Variants in FMNL1 observed in about 807,000 individuals in gnomAD.
FMNL1 encodes the protein formin-like protein 1.
In FMNL1, 43 loss-of-function variants were observed where a neutral mutation model predicts 121.3. The observed-to-expected ratio is 0.35, with a 90% CI of 0.28 to 0.46. The LOEUF (loss-of-function observed/expected upper bound fraction) is 0.46. Ranked by LOEUF, FMNL1 falls within the 20% of genes least tolerant of loss-of-function variation. The pLI is 1.00. For synonymous variants in FMNL1, 613 were observed against 613.5 expected, an observed-to-expected ratio of 1.00 and a Z score of 0.01; for missense variants, 1,191 against 1,482.4, an observed-to-expected ratio of 0.80 and a Z score of 3.23.
intron 11 of FMNL1, among the ~76,000 whole-genome samples, chr17:45,239,561 C>G (rs1045330402): frequency 6.6e-6 from 1 of 152,202 alleles, no homozygotes; most frequent in Non-Finnish European, 1.5e-5. Context: ...AGAGAAGCTG[C>G]AGCTCCTTCT....
chr17:45,233,817 T>G lies in FMNL1; in HGVS notation c.485+86T>G. The G allele has an allele frequency of 6.5e-7, 1 of 1,545,266 alleles. No homozygotes were observed. The stretch of plus-strand genomic sequence containing the variant: ...CATCTCACCCACTCCCCTGGCCAGT[T>G]TCAAGCCAGGCAGCCCGAGCCTACC... On this transcript the variant is annotated intron_variant, in intron 5 of 26. Coordinates refer to ENST00000331495, the MANE Select transcript of FMNL1 (RefSeq NM_005892.4). The surrounding 1 kb of genome is among the most constrained non-coding windows in gnomAD (Gnocchi z 4.1).
chr17:45,241,580 C>A lies in FMNL1; in HGVS notation c.1531C>A (p.Pro511Thr), dbSNP rs1277234979. 1 of 1,562,774 alleles carries A rather than the reference C, an allele frequency of 6.4e-7. No individual in the cohort carries two copies. Among genetic ancestry groups the A allele is most frequent in the Non-Finnish European group, 8.7e-7 (1 of 1,153,204 alleles). ...IEILPVAVAT[P>T]SGGDAPTPGV... ...GATCCTCCCCGTCGCTGTGGCAACT[C>A]CGAGCGGCGGTGATGCTCCGACTCC... The change falls in exon 14 of 27, where the codon CCG becomes ACG. Residue 511 changes from proline to threonine, a missense_variant. Physicochemically the swap from Pro to Thr is conservative, Grantham distance 38. This residue lies in a region of FMNL1 where 519 missense variants were observed against 492.8 expected (regional missense o/e 1.05). Transcript: ENST00000331495. This position sits in a 1 kb window ranked among gnomAD's most constrained non-coding sequence, Gnocchi z 7.0.
At chr17:45,234,015 C>G (rs1747877462) in intron 5 of FMNL1, 57 bp from the exon 6 acceptor site, 1 of 1,595,722 alleles carries the variant, frequency 6.3e-7, no homozygotes, top group Admixed American at 1.7e-5. Flanking sequence ...TTCCTCTGCC[C>G]CCTCTTAAGT....
At chr17:45,222,794 G>A (rs1164894890) in intron 1 of FMNL1, among the ~76,000 whole-genome samples, 1 of 152,100 alleles carries the variant, frequency 6.6e-6, no homozygotes, top group African/African-American at 2.4e-5. Context: ...TCAGAGCCAG[G>A]GTGCCTGTGG....
chr17:45,228,047 C>T (rs1442753207), intron 1 of FMNL1, among the ~76,000 whole-genome samples: 4 of 152,142 alleles, frequency 2.6e-5, no homozygotes, highest in Non-Finnish European at 5.9e-5. Context: ...TGTCCCCCAG[C>T]CCCCCATCCC....
At chr17:45,230,794 C>G (rs1484016800) in intron 2 of FMNL1, 107 bp downstream of exon 2, 1 of 1,217,042 alleles carries the variant, frequency 8.2e-7, no homozygotes, top group African/African-American at 1.5e-5. Flanking sequence ...GCCCATGGAG[C>G]CAAGACTCTG....
Position 45,233,370 on chromosome 17 carries a change from C to T in FMNL1, c.401+73C>T, listed in dbSNP as rs1290007093. On this transcript the variant is annotated intron_variant, in intron 4 of 26. Transcript: ENST00000331495. The surrounding 1 kb of genome is among the most constrained non-coding windows in gnomAD (Gnocchi z 4.1). ...TTCCAGGCAGCTCCTGGAGCTTCCC[C>T]TTCCTACTCCCCCTGCCCCCTGCAC... 6.9e-7 allele frequency: 1 copy of T among 1,451,712 alleles called. No homozygotes were observed. The highest frequency in any genetic ancestry group is 9.4e-7 in the Non-Finnish European group (1 of 1,066,856). The allele number at this position is 1,451,712 out of a possible 1,614,324, so 89.9% of individuals were successfully genotyped here.
chr17:45,238,892 G>A, intron 10 of FMNL1, 63 bp from the exon 11 acceptor site: 1 of 1,398,328 alleles, frequency 7.2e-7, no homozygotes, highest in Non-Finnish European at 1.0e-6. Flanking sequence ...GTAAGTGGAG[G>A]TGGAAGGCAT....
At position 45,247,212 on chromosome 17, in the gene FMNL1, A is replaced by G. The variant is rs2043857996; in HGVS notation, c.*354A>G. 2 of 520,524 alleles carry G rather than the reference A, an allele frequency of 3.8e-6. No homozygotes were observed. Among genetic ancestry groups the G allele is most frequent in the African/African-American group, 1.9e-5 (1 of 52,426 alleles). The allele number at this position is 520,524 out of a possible 1,614,324, so 32.2% of individuals were successfully genotyped here. On this transcript the variant is annotated 3_prime_UTR_variant, in exon 27 of 27. Transcript: ENST00000331495. ...AATAGCCATACTTAGCCTCAGCAGG[A>G]GCCTGGCCTGTAACTTATAAAGTGC...
rs1316660672 is a variant in FMNL1, at chr17:45,245,671, C to G, written c.2932C>G (p.Pro978Ala). The G allele has an allele frequency of 3.7e-6, 6 of 1,614,012 alleles. No homozygotes were observed. The highest frequency in any genetic ancestry group is 5.1e-6 in the Non-Finnish European group (6 of 1,179,996). ...ESVVEYFGEN[P>A]KTTSPGLFFS... Reference sequence around the variant, plus strand: ...TGTGGTGGAGTACTTCGGAGAGAACCCCAAGACCACATCCCCAGGCCTGTT... The same window carrying G: ...TGTGGTGGAGTACTTCGGAGAGAACGCCAAGACCACATCCCCAGGCCTGTT... The change falls in exon 23 of 27, where the codon CCC (proline) becomes GCC (alanine). Residue 978 changes from proline (P) to alanine (A), a missense_variant. This residue lies in a region of FMNL1 where 367 missense variants were observed against 528.6 expected (regional missense o/e 0.69). Coordinates refer to ENST00000331495, the MANE Select transcript of FMNL1 (RefSeq NM_005892.4).
chr17:45,224,921 C>T (rs1205017473), intron 1 of FMNL1, among the ~76,000 whole-genome samples: 1 of 152,232 alleles, frequency 6.6e-6, no homozygotes, highest in African/African-American at 2.4e-5. Flanking sequence ...CGCCCATGCC[C>T]AAGGCTGGGT....
In FMNL1 at chr17:45,241,398, C is replaced by G. The variant is rs1261996852; in HGVS notation, c.1349C>G (p.Ser450Trp). Reference protein sequence around the residue: ...LETLRERFSESTAMGPSRRPP... With the variant: ...LETLRERFSEWTAMGPSRRPP... ...GGTTCGTAGGAGCGCTTCAGCGAAT[C>G]GACCGCCATGGGGCCCTCCAGGCGT... is the stretch of plus-strand genomic sequence containing the variant. Residue 450 changes from serine (S) to tryptophan (W), a missense_variant, in exon 14 of 27, where the codon TCG becomes TGG. Coordinates refer to ENST00000331495, the MANE Select transcript of FMNL1 (RefSeq NM_005892.4). This position sits in a 1 kb window ranked among gnomAD's most constrained non-coding sequence, Gnocchi z 7.0. The G allele has an allele frequency of 1.3e-6, 2 of 1,567,322 alleles. No homozygotes were observed. The highest frequency in any genetic ancestry group is 2.3e-5 in the South Asian group (2 of 86,374).
rs746268652 is a variant in FMNL1, at chr17:45,246,140, A to G, written c.3091-70A>G. On this transcript the variant is annotated intron_variant, in intron 24 of 26. Coordinates refer to ENST00000331495, the MANE Select transcript of FMNL1 (RefSeq NM_005892.4). Reference sequence around the variant, plus strand: ...AAGCCAGCTGTCCTTGCTGTGGGGGACCAGGCAGATATTCCAGGGTTTTGG... The same window carrying G: ...AAGCCAGCTGTCCTTGCTGTGGGGGGCCAGGCAGATATTCCAGGGTTTTGG... The G allele has an allele frequency of 2.5e-5, 39 of 1,557,896 alleles. No individual in the cohort carries two copies. In the South Asian group the frequency reaches 3.7e-4, roughly 15 times the overall value.
intron 16 of FMNL1, among the ~76,000 whole-genome samples, chr17:45,242,749 G>A (rs1331300851): frequency 6.6e-6 from 1 of 152,206 alleles, no homozygotes; most frequent in Non-Finnish European, 1.5e-5. Flanking sequence ...GGCAGCCAAG[G>A]CTTCAGCCCT....
rs1413718152 is a variant in FMNL1 at position 45,239,344 on chromosome 17, A to T, written c.1080+279A>T. 7.2e-6 allele frequency: 3 copies of T among 414,884 alleles called. No individual in the cohort carries two copies. In the East Asian group the frequency reaches 1.4e-4, roughly 20 times the overall value. 25.7% of individuals were successfully genotyped at this position (414,884 alleles called of 1,614,324 possible). ...AGTCTATGGAACTGTTTTTGCAGGCACCAGAACAGGTCAAGGTAGCCCAGA... is the reference window on the plus strand; with the variant it reads ...AGTCTATGGAACTGTTTTTGCAGGCTCCAGAACAGGTCAAGGTAGCCCAGA... On this transcript the variant is annotated intron_variant, in intron 11 of 26. Coordinates refer to ENST00000331495, the MANE Select transcript of FMNL1 (RefSeq NM_005892.4).
At chr17:45,225,401 C>T (rs989704535) in intron 1 of FMNL1, among the ~76,000 whole-genome samples, 7 of 152,210 alleles carry the variant, frequency 4.6e-5, no homozygotes, top group African/African-American at 1.7e-4. Context: ...GACCTGGAGC[C>T]ATGGGGTCGC....
chr17:45,226,767 C>T (rs910696807), intron 1 of FMNL1, among the ~76,000 whole-genome samples: 4 of 152,060 alleles, frequency 2.6e-5, no homozygotes, highest in African/African-American at 9.7e-5. Flanking sequence ...GTGTTGTTTT[C>T]CTCCTACCAG....
rs1313278764 is a variant in FMNL1, at chr17:45,245,930, C to G, written c.3047C>G (p.Ala1016Gly). 1 of 1,587,146 alleles carries G rather than the reference C, an allele frequency of 6.3e-7. No individual in the cohort carries two copies. Among genetic ancestry groups the G allele is most frequent in the African/African-American group, 1.4e-5 (1 of 73,030 alleles). ...QWKKEAAAQE[A>G]GADTPGKGEP... is the part of the protein sequence containing the mutation. ...AAAAAAGAAGCCGCTGCCCAGGAGGCAGGCGCTGATACCCCGGGCAAAGGG... is the reference window on the plus strand; with the variant it reads ...AAAAAAGAAGCCGCTGCCCAGGAGGGAGGCGCTGATACCCCGGGCAAAGGG... The change falls in exon 24 of 27, where the codon GCA becomes GGA. Residue 1016 changes from alanine (A) to glycine (G), a missense_variant. Coordinates refer to ENST00000331495, the MANE Select transcript of FMNL1 (RefSeq NM_005892.4).
intron 10 of FMNL1, 152 bp downstream of exon 10, chr17:45,238,790 G>A: frequency 1.8e-6 from 2 of 1,132,980 alleles, no homozygotes; most frequent in South Asian, 2.8e-5. Flanking sequence ...TTGGCAGGGG[G>A]CTGGATTGAG....
Sources: allele counts gnomAD v4.1 joint callset (sites outside exome capture counted in the v4.1 genomes callset), GRCh38; gene constraint gnomAD v4.1.1; regional missense constraint gnomAD v4.1.1; non-coding constraint Gnocchi (gnomAD v3.1); transcripts MANE v1.5; gene names NCBI Gene and HGNC (gene_info 2026-07-23, HGNC 2026-07-21).